PRSS23: variants seen among roughly 807,000 people sequenced by gnomAD.
PRSS23 encodes the protein serine protease 23.
In PRSS23, 25 loss-of-function variants were observed where a neutral mutation model predicts 34.7. The observed-to-expected ratio is 0.72, with a 90% CI of 0.53 to 1.01. The LOEUF is 1.01. Ranked by LOEUF, PRSS23 falls within the 50% of genes least tolerant of loss-of-function variation. The pLI is 0.00. For synonymous variants in PRSS23, 176 were observed against 186.6 expected (o/e 0.94, Z 0.46); for missense variants, 445 against 475.6 (o/e 0.94, Z 0.60).
At chr11:86,878,792 G>A (rs532045478) in intron 2 of PRSS23, among the ~76,000 whole-genome samples, 4 of 150,410 alleles carry the variant, frequency 2.7e-5, no homozygotes, top group Non-Finnish European at 4.5e-5. Flanking sequence ...GTCTCTGCCC[G>A]GCCACCATCC....
intron 2 of PRSS23, among the ~76,000 whole-genome samples, chr11:86,862,097 G>C (rs1021339677): frequency 4.6e-5 from 7 of 151,870 alleles, no homozygotes; most frequent in African/African-American, 1.7e-4. Flanking sequence ...ATATCGCAGG[G>C]GGTGTACACC....
At chr11:86,891,677 C>G (rs1274197771) in intron 2 of PRSS23, among the ~76,000 whole-genome samples, 2 of 152,124 alleles carry the variant, frequency 1.3e-5, no homozygotes, top group Non-Finnish European at 2.9e-5. Flanking sequence ...TCCTGTGTCC[C>G]CATCCAAAAT....
At chr11:86,938,666 G>A (rs1949180654) in intron 2 of PRSS23, among the ~76,000 whole-genome samples, 1 of 150,898 alleles carries the variant, frequency 6.6e-6, no homozygotes. Context: ...ATGGATTAAG[G>A]AGCTCCTTCC....
intron 1 of PRSS23, among the ~76,000 whole-genome samples, chr11:86,801,000 C>G (rs1948030809): frequency 6.6e-6 from 1 of 152,160 alleles, no homozygotes; most frequent in Non-Finnish European, 1.5e-5. Context: ...GCTACACCCC[C>G]ATGCACCCCC....
In PRSS23 at chr11:86,809,970, G is replaced by T. The variant is rs576195480; in HGVS notation, c.*1175G>T. 4.8e-4 allele frequency: 80 copies of T among 167,060 alleles called. No homozygotes were observed. The highest frequency in any genetic ancestry group is 1.8e-3 in the African/African-American group (74 of 41,542). 10.3% of individuals were successfully genotyped at this position (167,060 alleles called of 1,614,324 possible). ...AAGTTACTTTAAGAAAACCAGTGTG[G>T]CCTTTTTCCCTCTAGCTTTAAAAGG... On this transcript the variant is annotated 3_prime_UTR_variant, in exon 2 of 2. Coordinates refer to ENST00000280258, the MANE Select transcript of PRSS23 (RefSeq NM_007173.6).
intron 2 of PRSS23, chr11:86,857,990 T>A: frequency 6.1e-6 from 2 of 327,870 alleles, no homozygotes; most frequent in Admixed American, 7.8e-5. Context: ...TGGGATATTG[T>A]TCCTAATATC....
chr11:86,868,609 C>T (rs571312588), intron 2 of PRSS23, among the ~76,000 whole-genome samples: 1 of 152,250 alleles, frequency 6.6e-6, no homozygotes, highest in East Asian at 1.9e-4. Flanking sequence ...TGCCCTTGAG[C>T]ACCATCTAAT....
At chr11:86,827,695 C>T (rs1243006998) in intron 2 of PRSS23, among the ~76,000 whole-genome samples, 1 of 152,134 alleles carries the variant, frequency 6.6e-6, no homozygotes, top group African/African-American at 2.4e-5. Context: ...TATGTTGTGT[C>T]TTTGTTCTCG....
intron 2 of PRSS23, among the ~76,000 whole-genome samples, chr11:86,927,940 T>C (rs1041452014): frequency 6.7e-6 from 1 of 148,764 alleles, no homozygotes; most frequent in Admixed American, 6.7e-5. Context: ...AAACTCCGTC[T>C]CAAAAAAAAA....
intron 2 of PRSS23, among the ~76,000 whole-genome samples, chr11:86,926,813 T>C (rs1185424599): frequency 6.6e-6 from 1 of 152,218 alleles, no homozygotes; most frequent in Non-Finnish European, 1.5e-5. Flanking sequence ...AGCCTCTGGC[T>C]ATTCAGGGTT....
chr11:86,861,551 G>A (rs985329581), intron 2 of PRSS23, among the ~76,000 whole-genome samples: 1 of 151,814 alleles, frequency 6.6e-6, no homozygotes, highest in African/African-American at 2.4e-5. Context: ...GAGAGGGGAT[G>A]ATATTACTCC....
At chr11:86,926,651 T>A (rs530181830) in intron 2 of PRSS23, among the ~76,000 whole-genome samples, 1 of 152,294 alleles carries the variant, frequency 6.6e-6, no homozygotes, top group Admixed American at 6.5e-5. Context: ...TCTATGCATC[T>A]CTTATGTTGG....
intron 2 of PRSS23, among the ~76,000 whole-genome samples, chr11:86,917,282 G>C (rs1949019620): frequency 6.6e-6 from 1 of 152,226 alleles, no homozygotes; most frequent in Non-Finnish European, 1.5e-5. Flanking sequence ...TTGTGCCATT[G>C]CACTCCAGCC....
intron 1 of PRSS23, among the ~76,000 whole-genome samples, chr11:86,792,028 A>G (rs1373724996): frequency 6.6e-6 from 1 of 152,190 alleles, no homozygotes; most frequent in African/African-American, 2.4e-5. Flanking sequence ...TGAGGAGGGT[A>G]CTGGTCACTA....
intron 2 of PRSS23, among the ~76,000 whole-genome samples, chr11:86,904,115 A>G (rs1305835773): frequency 6.6e-6 from 1 of 152,200 alleles, no homozygotes; most frequent in Non-Finnish European, 1.5e-5. Flanking sequence ...CTCACTCTAC[A>G]AACAGTCACC....
At chr11:86,869,615 T>C (rs955263700) in intron 2 of PRSS23, among the ~76,000 whole-genome samples, 1 of 152,074 alleles carries the variant, frequency 6.6e-6, no homozygotes, top group Non-Finnish European at 1.5e-5. Flanking sequence ...AGGAGTTAAA[T>C]GATGTGTCCA....
chr11:86,796,042 T>C (rs1947978368), upstream of PRSS23, among the ~76,000 whole-genome samples: 1 of 152,182 alleles, frequency 6.6e-6, no homozygotes, highest in Non-Finnish European at 1.5e-5. Flanking sequence ...TTTGGGGTTA[T>C]TTAACAGGTC....
intron 2 of PRSS23, among the ~76,000 whole-genome samples, chr11:86,919,461 C>G (rs972623474): frequency 1.1e-4 from 16 of 152,272 alleles, no homozygotes; most frequent in South Asian, 2.1e-4. Flanking sequence ...CTTTTCTTCT[C>G]TCTCTCTTGT....
intron 2 of PRSS23, among the ~76,000 whole-genome samples, chr11:86,891,653 G>A (rs1007587218): frequency 1.3e-5 from 2 of 152,032 alleles, no homozygotes; most frequent in Admixed American, 6.6e-5. Flanking sequence ...TTCGCACTAC[G>A]TCTGCTATGG....
Sources: allele counts gnomAD v4.1 joint callset (sites outside exome capture counted in the v4.1 genomes callset), GRCh38; gene constraint gnomAD v4.1.1; transcripts MANE v1.5; gene names NCBI Gene and HGNC (gene_info 2026-07-23, HGNC 2026-07-21).